Variants in MYH3 observed in about 807,000 individuals in gnomAD.
MYH3 encodes myosin heavy chain 3, also known as myosin-3.
Under a neutral mutation model 238.0 loss-of-function variants are expected in MYH3, and 130 were observed. That is an observed-to-expected ratio of 0.55 (90% CI 0.47 to 0.63). The LOEUF (loss-of-function observed/expected upper bound fraction) is 0.63. MYH3 is among the 30% of genes least tolerant of loss of function. The pLI is 0.00. For missense variants in MYH3, 1,853 were observed against 2,374.9 expected (o/e 0.78, Z 4.57); for synonymous variants, 880 against 924.1 (o/e 0.95, Z 0.86).
rs953447101 is a variant in MYH3, at chr17:10,654,788, G to A, written c.204+73C>T. 44 of 1,402,106 alleles carry A rather than the reference G, an allele frequency of 3.1e-5. No individual in the cohort carries two copies. The highest frequency in any genetic ancestry group is 3.3e-5 in the Non-Finnish European group (33 of 986,718). The allele number at this position is 1,402,106 out of a possible 1,614,324, so 86.9% of individuals were successfully genotyped here. ...CACATCTGGAAGTGGCTGGGGTTGG[G>A]CAGATGCATACCCCAGGCAAGCACA... On this transcript the variant is annotated intron_variant, in intron 3 of 40. Coordinates refer to ENST00000583535, the MANE Select transcript of MYH3 (RefSeq NM_002470.4). This position sits in a 1 kb window ranked among gnomAD's most constrained non-coding sequence, Gnocchi z 4.5.
At chr17:10,667,903 A>C in the MYH3 span, among the ~76,000 whole-genome samples, 1 of 152,302 alleles carries the variant, frequency 6.6e-6, no homozygotes, top group South Asian at 2.1e-4. Flanking sequence ...TGACTTTTGA[A>C]CCATATAAAT....
At chr17:10,667,553 C>G in the MYH3 span, among the ~76,000 whole-genome samples, 1 of 151,870 alleles carries the variant, frequency 6.6e-6, no homozygotes, top group East Asian at 1.9e-4. Context: ...TTGTGACAGG[C>G]GCCTGTAGTC....
At chr17:10,673,204 A>C in the MYH3 span, 1 of 151,960 alleles carries the variant, frequency 6.6e-6, no homozygotes, top group Non-Finnish European at 1.5e-5. Context: ...GGGTTTCACC[A>C]TGTTGGCCAG....
upstream of MYH3, among the ~76,000 whole-genome samples, chr17:10,661,289 TAAAAAAA>T (rs34393718): frequency 8.0e-5 from 4 of 49,690 alleles, no homozygotes; most frequent in African/African-American, 8.2e-5. Flanking sequence ...AGACTCCATC[TAAAAAAA>T]AAAAAAAAAA....
intron 5 of MYH3, among the ~76,000 whole-genome samples, chr17:10,651,128 T>G (rs1597492412): frequency 2.2e-5 from 3 of 136,188 alleles, no homozygotes; most frequent in African/African-American, 8.4e-5. Context: ...GAGGTTGTGG[T>G]GAGCCGAGAT....
At position 10,640,008 on chromosome 17, in the gene MYH3, G is replaced by A. The variant is rs1258494133; in HGVS notation, c.2670C>T (p.Leu890=). The stretch of plus-strand genomic sequence containing the variant: ...GCTAAACACGTACAGCTTGTACTTG[G>A]AGCTGCAGGTCATTCTTCTCTTGGA... ...TLVQEKNDLQ[L]QVQAESENLL... Residue 890 remains leucine (L), a synonymous_variant, in exon 22 of 41, where the codon CTC becomes CTT. Coordinates refer to ENST00000583535, the MANE Select transcript of MYH3 (RefSeq NM_002470.4). 1 of 1,613,548 alleles carries A rather than the reference G, an allele frequency of 6.2e-7. No individual in the cohort carries two copies. The highest frequency in any genetic ancestry group is 1.1e-5 in the South Asian group (1 of 91,036).
chr17:10,635,146 G>A, intron 30 of MYH3, 123 bp from the exon 31 acceptor site: 1 of 1,331,388 alleles, frequency 7.5e-7, no homozygotes, highest in Non-Finnish European at 1.0e-6. Context: ...TATACGCCCA[G>A]GAGAATTTCC....
chr17:10,633,956 G>C, intron 32 of MYH3, 61 bp downstream of exon 32: 1 of 1,581,748 alleles, frequency 6.3e-7, no homozygotes, highest in Non-Finnish European at 8.6e-7. Flanking sequence ...ACCCACGCCA[G>C]CATGCTCTCG....
intron 8 of MYH3, among the ~76,000 whole-genome samples, chr17:10,648,166 C>A (rs996833515): frequency 3.3e-5 from 5 of 152,144 alleles, no homozygotes; most frequent in African/African-American, 1.2e-4. Context: ...CTGCCCTCCT[C>A]CCTACAACCA....
chr17:10,634,762 G>GAA (rs2074197176), intron 31 of MYH3, 78 bp downstream of exon 31: 3 of 1,569,244 alleles, frequency 1.9e-6, no homozygotes, highest in Non-Finnish European at 2.6e-6. Flanking sequence ...TCAGGTCCGG[G>GAA]ATGCATTCTC....
Position 10,644,404 on chromosome 17 carries a change from G to A in MYH3, c.1357C>T (p.Pro453Ser), listed in dbSNP as rs370193483. 7.4e-6 allele frequency: 12 copies of A among 1,614,054 alleles called. No individual in the cohort carries two copies. The highest frequency in any genetic ancestry group is 1.3e-5 in the African/African-American group (1 of 74,938). The change falls in exon 14 of 41, where the codon CCA becomes TCA. Residue 453 changes from proline (P) to serine (S), a missense_variant. Pro to Ser is a moderately conservative substitution (Grantham distance 74). This residue lies in a region of MYH3 where 678 missense variants were observed against 1,058.9 expected (regional missense o/e 0.64). Coordinates refer to ENST00000583535, the MANE Select transcript of MYH3 (RefSeq NM_002470.4). ...AAAACACCAATGAAGTGTTGTCTTG[G>A]AAGCTTCGTATCCAGTTGCTGGTTA... The part of the protein sequence containing the change: ...RINQQLDTKL[P>S]RQHFIGVLDI...
At chr17:10,674,195 ACC>A in the MYH3 span, 1 of 157,742 alleles carries the variant, frequency 6.3e-6, no homozygotes, top group African/African-American at 2.4e-5. Context: ...CGGGTGGATC[ACC>A]TGAGGTCAGG....
the MYH3 span, among the ~76,000 whole-genome samples, chr17:10,666,416 CA>C: frequency 4.2e-5 from 4 of 95,864 alleles, no homozygotes; most frequent in South Asian, 9.9e-4. Context: ...CTTGTCTCTA[CA>C]AAAAAAAACC....
chr17:10,642,883 C>T lies in MYH3; in HGVS notation c.1524G>A (p.Glu508=). The change falls in exon 15 of 41, where the codon GAG becomes GAA. Residue 508 remains glutamate, a synonymous_variant. Transcript: ENST00000583535. The surrounding 1 kb of genome is among the most constrained non-coding windows in gnomAD (Gnocchi z 5.4). ...CCATCCCGAAGTCAATGAACGTCCACTCGATGCCTTCCTTCTTGTACTCCT... is the reference window on the plus strand; with the variant it reads ...CCATCCCGAAGTCAATGAACGTCCATTCGATGCCTTCCTTCTTGTACTCCT... ...EQEEYKKEGI[E]WTFIDFGMDL... The T allele has an allele frequency of 6.2e-7, 1 of 1,614,222 alleles. No individual in the cohort carries two copies. Among genetic ancestry groups the T allele is most frequent in the Non-Finnish European group, 8.5e-7 (1 of 1,180,042 alleles).
chr17:10,634,720 T>C (rs1166756795), intron 31 of MYH3, 120 bp downstream of exon 31: 1 of 1,246,686 alleles, frequency 8.0e-7, no homozygotes, highest in East Asian at 2.3e-5. Flanking sequence ...TTCAGGGACT[T>C]GCCCAAGGCC....
At position 10,642,261 on chromosome 17, in the gene MYH3, T is replaced by C; in HGVS notation, c.1938A>G (p.Gln646=). The part of the protein sequence containing the change: ...KVAKKKGSSF[Q]TVSALFRENL... ...TTACCCTGAAAAGGGCAGAGACAGT[T>C]TGGAAGGAAGAACCCTTCTTCTTGG... The change falls in exon 17 of 41, where the codon CAA becomes CAG. Residue 646 remains glutamine (Q), a synonymous_variant. Transcript: ENST00000583535. The surrounding 1 kb of genome is among the most constrained non-coding windows in gnomAD (Gnocchi z 5.4). 6.2e-7 allele frequency: 1 copy of C among 1,614,048 alleles called. No individual in the cohort carries two copies. Among genetic ancestry groups the C allele is most frequent in the African/African-American group, 1.3e-5 (1 of 75,038 alleles).
intron 22 of MYH3, 34 bp downstream of exon 22, chr17:10,639,962 G>A (rs1266990727): frequency 1.3e-6 from 2 of 1,548,878 alleles, no homozygotes; most frequent in East Asian, 4.5e-5. Context: ...ATCTAGAAGA[G>A]TTAAAAAAAA....
chr17:10,631,542 TA>T, intron 36 of MYH3, 68 bp downstream of exon 36: 1 of 1,612,466 alleles, frequency 6.2e-7, no homozygotes, highest in Non-Finnish European at 8.5e-7. Context: ...CGCACCTGTC[TA>T]ACTATGTGAG....
At chr17:10,644,150 C>CA (rs1213422008) in intron 14 of MYH3, among the ~76,000 whole-genome samples, 2 of 111,186 alleles carry the variant, frequency 1.8e-5, no homozygotes, top group African/African-American at 6.0e-5. Context: ...GGGTGAAACT[C>CA]AGTCTCAAAA....
Sources: gnomAD v4.1 joint callset for allele counts (sites outside exome capture counted in the v4.1 genomes callset) on GRCh38, gnomAD v4.1.1 for gene constraint, gnomAD v4.1.1 regional missense constraint, Gnocchi (gnomAD v3.1) non-coding constraint, MANE v1.5 for transcripts, NCBI Gene and HGNC (gene_info 2026-07-23, HGNC 2026-07-21) for gene names.